MAML3: variants seen among roughly 807,000 people sequenced by gnomAD.
The protein encoded by MAML3 is mastermind-like protein 3.
In MAML3, 27 loss-of-function variants were observed where a neutral mutation model predicts 101.9. The observed-to-expected ratio is 0.27, with a 90% confidence interval of 0.20 to 0.37. The LOEUF (loss-of-function observed/expected upper bound fraction) is 0.37, where lower values mean the gene tolerates loss of function less well. Ranked by LOEUF, MAML3 falls within the 10% of genes least tolerant of loss-of-function variation. The probability of loss-of-function intolerance (pLI) is 1.00; values close to 1 mark genes in which losing one functional copy is unlikely to be tolerated. For missense variants in MAML3, 1,316 were observed against 1,444.9 expected (o/e 0.91, Z 1.45); for synonymous variants, 501 against 555.9 (o/e 0.90, Z 1.39).
Position 139,795,948 on chromosome 4 carries a change from G to A in MAML3, c.2080-65281C>T. Among the ~76,000 whole-genome samples, 2 of 152,184 alleles carry A rather than the reference G, an allele frequency of 1.3e-5. 1 individual carries two copies. Among genetic ancestry groups the A allele is most frequent in the Non-Finnish European group, 2.9e-5 (2 of 68,040 alleles). On this transcript the variant is annotated intron_variant, in intron 2 of 4. Coordinates refer to ENST00000509479, the MANE Select transcript of MAML3 (RefSeq NM_018717.5). ...GACTTTCCCATTTACCCCACTATAAGTGTGACTGTATCTTCTTTAGCACAG... is the reference window on the plus strand; with the variant it reads ...GACTTTCCCATTTACCCCACTATAAATGTGACTGTATCTTCTTTAGCACAG...
chr4:140,040,060 G>T (rs1050136571), intron 1 of MAML3, among the ~76,000 whole-genome samples: 2 of 152,110 alleles, frequency 1.3e-5, no homozygotes, highest in South Asian at 2.1e-4. Flanking sequence ...GAGGGGTTAG[G>T]GTCGAAAAGG....
intron 1 of MAML3, among the ~76,000 whole-genome samples, chr4:140,143,101 A>C (rs1322185706): frequency 6.6e-6 from 1 of 152,234 alleles, no homozygotes; most frequent in Non-Finnish European, 1.5e-5. Context: ...TAGTTTTTTA[A>C]AGTGTTTCCA....
At chr4:140,135,475 G>A (rs1560904757) in intron 1 of MAML3, among the ~76,000 whole-genome samples, 1 of 152,200 alleles carries the variant, frequency 6.6e-6, no homozygotes, top group African/African-American at 2.4e-5. Flanking sequence ...GGGCTGCTGT[G>A]AAAAAAGATT....
At chr4:139,771,943 TAA>T (rs11379203) in intron 2 of MAML3, among the ~76,000 whole-genome samples, 26 of 138,466 alleles carry the variant, frequency 1.9e-4, no homozygotes, top group South Asian at 2.3e-4. Flanking sequence ...CTACTTAAAG[TAA>T]AAAAAAAAAA....
chr4:139,832,094 C>CCTTTTTT (rs1234455929), intron 2 of MAML3, among the ~76,000 whole-genome samples: 1 of 64,702 alleles, frequency 1.5e-5, no homozygotes, highest in Admixed American at 2.7e-4. Context: ...TGCCCAGCCC[C>CCTTTTTT]TTTTTTTTTT....
intron 2 of MAML3, among the ~76,000 whole-genome samples, chr4:139,820,957 T>G (rs888671927): frequency 1.3e-5 from 2 of 152,218 alleles, no homozygotes; most frequent in Non-Finnish European, 2.9e-5. Context: ...CTCCACATAC[T>G]GCTAAATTGT....
chr4:139,933,133 G>A (rs955858964), intron 1 of MAML3, among the ~76,000 whole-genome samples: 1 of 151,970 alleles, frequency 6.6e-6, no homozygotes, highest in African/African-American at 2.4e-5. Flanking sequence ...GAAAGAAAGA[G>A]AAAAGAAGGA....
chr4:140,136,819 A>G lies in MAML3; in HGVS notation c.468+16041T>C, dbSNP rs190926035. 2.8e-3 allele frequency among the ~76,000 whole-genome samples: 421 copies of G among 152,332 alleles called. 1 individual carries two copies. The highest frequency in any genetic ancestry group is 4.6e-3 in the Non-Finnish European group (313 of 68,034). On this transcript the variant is annotated intron_variant, in intron 1 of 4. Coordinates refer to ENST00000509479, the MANE Select transcript of MAML3 (RefSeq NM_018717.5). Reference sequence around the variant, plus strand: ...CTAGCTATTAAACAAAGATTCCTCAAAAAATGATAAACAATGATGCTAAGA... The same window carrying G: ...CTAGCTATTAAACAAAGATTCCTCAGAAAATGATAAACAATGATGCTAAGA...
At chr4:139,963,359 G>A (rs148930337) in intron 1 of MAML3, among the ~76,000 whole-genome samples, 18 of 152,330 alleles carry the variant, frequency 1.2e-4, no homozygotes, top group African/African-American at 4.3e-4. Flanking sequence ...CCCCAAGATT[G>A]TGTTTGTAGA....
chr4:139,985,474 T>G (rs1734519824), intron 1 of MAML3, among the ~76,000 whole-genome samples: 1 of 152,246 alleles, frequency 6.6e-6, no homozygotes, highest in African/African-American at 2.4e-5. Flanking sequence ...AGTCTCACTG[T>G]ATACAACAAA....
Position 140,105,964 on chromosome 4 carries a change from T to C in MAML3, c.468+46896A>G, listed in dbSNP as rs145017831. ...GTGAAATGAGCCAGCCTGGTTTTTC[T>C]ACCTCAATGACTCCTAATCCCACGT... On this transcript the variant is annotated intron_variant, in intron 1 of 4. Coordinates refer to ENST00000509479, the MANE Select transcript of MAML3 (RefSeq NM_018717.5). Among the ~76,000 whole-genome samples the C allele has an allele frequency of 2.1e-3, 314 of 152,242 alleles. 1 individual carries two copies. Among genetic ancestry groups the C allele is most frequent in the African/African-American group, 7.3e-3 (303 of 41,538 alleles).
intron 1 of MAML3, among the ~76,000 whole-genome samples, chr4:139,943,769 C>G (rs1270531564): frequency 6.6e-6 from 1 of 151,790 alleles, no homozygotes; most frequent in East Asian, 1.9e-4. Context: ...ATGCTAAATA[C>G]CACCTTTCTG....
At chr4:139,870,277 G>A (rs916016128) in intron 2 of MAML3, among the ~76,000 whole-genome samples, 18 of 152,086 alleles carry the variant, frequency 1.2e-4, no homozygotes, top group Admixed American at 3.9e-4. Flanking sequence ...CAGTAGCAGC[G>A]TCAATTCCCC....
At chr4:139,907,901 T>C (rs1232837582) in intron 1 of MAML3, among the ~76,000 whole-genome samples, 1 of 152,148 alleles carries the variant, frequency 6.6e-6, no homozygotes, top group South Asian at 2.1e-4. Context: ...ACGTGTCAGT[T>C]TGGGTAACTA....
chr4:139,775,348 A>G (rs1009366008), intron 2 of MAML3, among the ~76,000 whole-genome samples: 1 of 152,226 alleles, frequency 6.6e-6, no homozygotes, highest in Non-Finnish European at 1.5e-5. Context: ...ACTGTGGGGT[A>G]CAAAGGATGA....
intron 2 of MAML3, among the ~76,000 whole-genome samples, chr4:139,769,912 G>A (rs2111065942): frequency 1.0e-5 from 1 of 100,446 alleles, no homozygotes; most frequent in South Asian, 3.6e-4. Context: ...ATCGCGCCCA[G>A]CCTCTTTTTT....
intron 1 of MAML3, among the ~76,000 whole-genome samples, chr4:139,995,762 G>A (rs1314431941): frequency 1.3e-5 from 2 of 151,836 alleles, no homozygotes; most frequent in African/African-American, 4.8e-5. Context: ...TGGTTTCACT[G>A]ATTTTCTCTA....
At chr4:139,840,514 C>T (rs1025450374) in intron 2 of MAML3, among the ~76,000 whole-genome samples, 3 of 152,154 alleles carry the variant, frequency 2.0e-5, no homozygotes, top group East Asian at 1.9e-4. Flanking sequence ...GTGTGAGCAG[C>T]GGCTAGATGA....
chr4:140,097,408 G>C (rs982996697), intron 1 of MAML3, among the ~76,000 whole-genome samples: 1 of 152,146 alleles, frequency 6.6e-6, no homozygotes. Context: ...CCGAGGTTTT[G>C]TTCGAGTTGT....
Sources: gnomAD v4.1 joint callset for allele counts (sites outside exome capture counted in the v4.1 genomes callset) on GRCh38, gnomAD v4.1.1 for gene constraint, MANE v1.5 for transcripts, NCBI Gene and HGNC (gene_info 2026-07-23, HGNC 2026-07-21) for gene names.